Variants in PTPRD observed in about 807,000 individuals in gnomAD.
PTPRD encodes the protein receptor-type tyrosine-protein phosphatase delta.
In PTPRD, 34 loss-of-function variants were observed where a neutral mutation model predicts 214.5. That is an observed-to-expected ratio of 0.16 (90% confidence interval 0.12 to 0.21). The LOEUF is 0.21. PTPRD is among the 10% of genes least tolerant of loss of function. PTPRD has a pLI of 1.00. For synonymous variants in PTPRD, 1,128 were observed against 845.7 expected (o/e 1.33, Z -5.79); for missense variants, 2,545 against 2,398.7 (o/e 1.06, Z -1.27).
At chr9:9,716,903 T>C (rs2097845770) in intron 7 of PTPRD, among the ~76,000 whole-genome samples, 1 of 152,152 alleles carries the variant, frequency 6.6e-6, no homozygotes, top group Non-Finnish European at 1.5e-5. Flanking sequence ...GCTTTTGGTG[T>C]TTTAGACATG....
intron 9 of PTPRD, among the ~76,000 whole-genome samples, chr9:9,198,533 C>T (rs2099939992): frequency 6.6e-6 from 1 of 151,650 alleles, no homozygotes; most frequent in East Asian, 1.9e-4. Flanking sequence ...GCTCTCAAGT[C>T]ATTCTCAAGA....
intron 12 of PTPRD, among the ~76,000 whole-genome samples, chr9:8,689,781 T>C (rs926902128): frequency 1.3e-5 from 2 of 152,160 alleles, no homozygotes; most frequent in African/African-American, 4.8e-5. Flanking sequence ...TTCTACACTT[T>C]GAGTGAAGAG....
intron 3 of PTPRD, among the ~76,000 whole-genome samples, chr9:10,274,459 T>A (rs886303030): frequency 3.9e-5 from 6 of 152,154 alleles, no homozygotes; most frequent in African/African-American, 7.2e-5. Flanking sequence ...GCATATAAAT[T>A]CTTCGAGTTA....
At chr9:9,488,926 G>C (rs1286357282) in intron 8 of PTPRD, among the ~76,000 whole-genome samples, 1 of 152,104 alleles carries the variant, frequency 6.6e-6, no homozygotes, top group East Asian at 1.9e-4. Flanking sequence ...TGGGATCTTT[G>C]CTTGGATTGC....
At chr9:9,654,191 T>G (rs186064420) in intron 7 of PTPRD, among the ~76,000 whole-genome samples, 2 of 152,276 alleles carry the variant, frequency 1.3e-5, no homozygotes, top group East Asian at 3.9e-4. Context: ...GTAATAGCAC[T>G]GAAAGACTTT....
intron 11 of PTPRD, among the ~76,000 whole-genome samples, chr9:8,929,828 T>C (rs2098936078): frequency 3.6e-5 from 4 of 110,726 alleles, no homozygotes; most frequent in South Asian, 7.2e-4. Flanking sequence ...TGTGTATATA[T>C]ATGTGTATAT....
chr9:10,043,040 C>T (rs1589578370), intron 3 of PTPRD, among the ~76,000 whole-genome samples: 1 of 151,832 alleles, frequency 6.6e-6, no homozygotes, highest in African/African-American at 2.4e-5. Flanking sequence ...TGTAGTCATT[C>T]ATTGGATATT....
Position 8,497,264 on chromosome 9 carries a change from TC to T in PTPRD, c.2326del (p.Glu776AsnfsTer10). 6.3e-7 allele frequency: 1 copy of T among 1,596,044 alleles called. No individual in the cohort carries two copies. The highest frequency in any genetic ancestry group is 8.5e-7 in the Non-Finnish European group (1 of 1,173,378). The part of the protein sequence containing the change: ...KDVMLADAQW[E>X]FDDTTEHDMI... Reference sequence around the variant, plus strand: ...CACATGTTCAGTAGTATCATCAAATTCCCACTGATTGAGAATAAGAAGGTTG... The same window carrying T: ...CACATGTTCAGTAGTATCATCAAATTCCACTGATTGAGAATAAGAAGGTTG... On this transcript the variant is annotated frameshift_variant, in exon 26 of 46. Coordinates refer to ENST00000381196, the MANE Select transcript of PTPRD (RefSeq NM_002839.4). LOFTEE classifies it high-confidence loss of function.
intron 33 of PTPRD, among the ~76,000 whole-genome samples, chr9:8,454,413 A>T (rs10977121): frequency 6.6e-6 from 1 of 151,910 alleles, no homozygotes; most frequent in African/African-American, 2.4e-5. Context: ...TTTTCCCCAG[A>T]ATCATCTTAA....
At chr9:9,738,415 G>A in intron 6 of PTPRD, among the ~76,000 whole-genome samples, 1 of 116,990 alleles carries the variant, frequency 8.5e-6, no homozygotes, top group South Asian at 2.9e-4. Context: ...GGAGAAATAT[G>A]TATTAAAATT....
intron 21 of PTPRD, among the ~76,000 whole-genome samples, chr9:8,517,580 A>AC (rs2097803471): frequency 6.6e-6 from 1 of 152,224 alleles, no homozygotes; most frequent in Non-Finnish European, 1.5e-5. Context: ...TGGGGGAGAC[A>AC]TTGTTCTATC....
At position 8,404,576 on chromosome 9, in the gene PTPRD, C is replaced by T. The variant is rs146844299; in HGVS notation, c.4171G>A (p.Ala1391Thr). 6.8e-6 allele frequency: 11 copies of T among 1,613,278 alleles called. No individual in the cohort carries two copies. The highest frequency in any genetic ancestry group is 6.7e-5 in the East Asian group (3 of 44,812). The change falls in exon 36 of 46, where the codon GCA (alanine) becomes ACA (threonine). Residue 1391 changes from alanine to threonine, a missense_variant. Physicochemically the swap from Ala to Thr is moderately conservative, Grantham distance 58. Coordinates refer to ENST00000381196, the MANE Select transcript of PTPRD (RefSeq NM_002839.4). The part of the protein sequence containing the change: ...KPKNRYANVI[A>T]YDHSRVLLSA... Reference sequence around the variant, plus strand: ...AGGAGAACCCGGGAATGATCATATGCGATTACATTCGCGTATCTATTCTTT... The same window carrying T: ...AGGAGAACCCGGGAATGATCATATGTGATTACATTCGCGTATCTATTCTTT...
At chr9:8,905,639 T>C (rs2098702432) in intron 11 of PTPRD, among the ~76,000 whole-genome samples, 1 of 150,546 alleles carries the variant, frequency 6.6e-6, no homozygotes, top group South Asian at 2.1e-4. Context: ...CTCAAGAGGC[T>C]GAGTCAGGAG....
At chr9:10,031,579 T>A (rs914852024) in intron 4 of PTPRD, among the ~76,000 whole-genome samples, 2 of 147,362 alleles carry the variant, frequency 1.4e-5, no homozygotes, top group Non-Finnish European at 3.0e-5. Flanking sequence ...AGACAGCATA[T>A]TGTGGGACCT....
intron 12 of PTPRD, among the ~76,000 whole-genome samples, chr9:8,646,492 C>G (rs949369091): frequency 6.6e-6 from 1 of 152,102 alleles, no homozygotes; most frequent in African/African-American, 2.4e-5. Flanking sequence ...CACGGAGAAC[C>G]TAAAATTCTC....
chr9:9,223,273 C>T (rs775490055), intron 9 of PTPRD, among the ~76,000 whole-genome samples: 2 of 151,900 alleles, frequency 1.3e-5, no homozygotes, highest in Non-Finnish European at 2.9e-5. Flanking sequence ...GCATAAGGCA[C>T]AATGTCTAAT....
At chr9:8,975,261 CTGA>C (rs1197571428) in intron 11 of PTPRD, among the ~76,000 whole-genome samples, 22 of 151,966 alleles carry the variant, frequency 1.4e-4, no homozygotes, top group African/African-American at 5.1e-4. Context: ...AGTAAAAATA[CTGA>C]TGATGTTATT....
At chr9:8,800,018 T>C (rs2096539564) in intron 11 of PTPRD, among the ~76,000 whole-genome samples, 1 of 151,986 alleles carries the variant, frequency 6.6e-6, no homozygotes, top group South Asian at 2.1e-4. Flanking sequence ...TAAACAAACA[T>C]TCATATCCAT....
intron 2 of PTPRD, among the ~76,000 whole-genome samples, chr9:10,474,136 T>C (rs1276898557): frequency 6.6e-6 from 1 of 151,932 alleles, no homozygotes; most frequent in Non-Finnish European, 1.5e-5. Context: ...CACATAACAA[T>C]ATGAACCTTA....
Sources: gnomAD v4.1 joint callset for allele counts (sites outside exome capture counted in the v4.1 genomes callset) on GRCh38, gnomAD v4.1.1 for gene constraint, MANE v1.5 for transcripts, NCBI Gene and HGNC (gene_info 2026-07-23, HGNC 2026-07-21) for gene names.